The following FER variants were observed in gnomAD, a reference collection of about 807,000 sequenced individuals.
The protein encoded by FER is tyrosine-protein kinase Fer.
In FER, 63 loss-of-function variants were observed where a neutral mutation model predicts 111.0. That is an observed-to-expected ratio of 0.57 (90% CI 0.46 to 0.70). The LOEUF (loss-of-function observed/expected upper bound fraction) is 0.70. Among genes scored for constraint, FER ranks in the 30% least tolerant of loss-of-function variants. The pLI, the probability that FER is intolerant of heterozygous loss-of-function variation, is 0.00. For missense variants in FER, 914 were observed against 954.0 expected, an observed-to-expected ratio of 0.96 and a Z score of 0.55; for synonymous variants, 327 against 313.9, an observed-to-expected ratio of 1.04 and a Z score of -0.44.
intron 5 of FER, among the ~76,000 whole-genome samples, chr5:108,847,786 T>G (rs1287139056): frequency 2.0e-5 from 3 of 152,226 alleles, no homozygotes; most frequent in African/African-American, 7.2e-5. Flanking sequence ...AATAATATTG[T>G]TTGCTCTGTT....
intron 17 of FER, among the ~76,000 whole-genome samples, chr5:109,136,378 T>A (rs1752895163): frequency 6.6e-6 from 1 of 152,162 alleles, no homozygotes; most frequent in Non-Finnish European, 1.5e-5. Flanking sequence ...TTTTAAATAG[T>A]TAGAATACAT....
chr5:108,976,211 T>C (rs1402717993), intron 13 of FER, among the ~76,000 whole-genome samples: 1 of 152,174 alleles, frequency 6.6e-6, no homozygotes, highest in Non-Finnish European at 1.5e-5. Context: ...TGCTGCCTTA[T>C]TTATACAGGC....
chr5:108,930,820 C>T (rs943838014), intron 10 of FER, among the ~76,000 whole-genome samples: 1 of 151,134 alleles, frequency 6.6e-6, no homozygotes, highest in Non-Finnish European at 1.5e-5. Context: ...CACCATGTTG[C>T]CCAGACTGGG....
At chr5:108,893,294 C>T (rs562889284) in intron 9 of FER, among the ~76,000 whole-genome samples, 7 of 151,648 alleles carry the variant, frequency 4.6e-5, no homozygotes, top group African/African-American at 1.5e-4. Flanking sequence ...TTCTTCCTAC[C>T]CTTGTTTTTT....
chr5:108,817,970 T>C (rs552459770), intron 3 of FER: 6 of 152,332 alleles, frequency 3.9e-5, no homozygotes, highest in African/African-American at 1.2e-4. Flanking sequence ...TGAGATGCTA[T>C]TTAATGTATG....
chr5:108,976,821 C>T (rs935751701), intron 13 of FER, among the ~76,000 whole-genome samples: 3 of 152,124 alleles, frequency 2.0e-5, no homozygotes, highest in Non-Finnish European at 4.4e-5. Flanking sequence ...ACATGGTGGG[C>T]ATCTATAGCT....
At chr5:108,978,207 A>T (rs1761619176) in intron 13 of FER, among the ~76,000 whole-genome samples, 1 of 152,090 alleles carries the variant, frequency 6.6e-6, no homozygotes, top group Admixed American at 6.5e-5. Context: ...TAAAATAATG[A>T]CCGATTATGT....
At chr5:109,091,835 A>C (rs1746805127) in intron 16 of FER, among the ~76,000 whole-genome samples, 1 of 152,190 alleles carries the variant, frequency 6.6e-6, no homozygotes, top group Non-Finnish European at 1.5e-5. Flanking sequence ...CAATGTGATA[A>C]TATTAAGAGG....
At chr5:108,786,930 G>A (rs1754789227) in intron 2 of FER, among the ~76,000 whole-genome samples, 3 of 152,166 alleles carry the variant, frequency 2.0e-5, no homozygotes, top group Admixed American at 1.3e-4. Flanking sequence ...TAATGATGGT[G>A]GTGGCAGCCT....
chr5:109,028,057 A>AT (rs1241502217), intron 13 of FER, among the ~76,000 whole-genome samples: 1 of 152,136 alleles, frequency 6.6e-6, no homozygotes, highest in African/African-American at 2.4e-5. Context: ...AAAATGGAAT[A>AT]TTTGTCATTT....
chr5:108,966,159 T>C (rs1759784310), intron 13 of FER, among the ~76,000 whole-genome samples: 2 of 152,198 alleles, frequency 1.3e-5, no homozygotes, highest in Non-Finnish European at 2.9e-5. Context: ...ATTATGTTTT[T>C]AGTCAGAAGA....
At chr5:109,147,931 G>A (rs554979378) in intron 17 of FER, among the ~76,000 whole-genome samples, 58 of 151,582 alleles carry the variant, frequency 3.8e-4, no homozygotes, top group African/African-American at 9.7e-4. Context: ...AATCACTTTC[G>A]TAACTAGAGA....
intron 13 of FER, among the ~76,000 whole-genome samples, chr5:109,005,180 A>G (rs2149790509): frequency 6.6e-6 from 1 of 152,268 alleles, no homozygotes; most frequent in East Asian, 1.9e-4. Context: ...GGAGTGGGAA[A>G]GAAATCAGAC....
chr5:109,095,519 T>G (rs1747394549), intron 16 of FER, among the ~76,000 whole-genome samples: 2 of 152,214 alleles, frequency 1.3e-5, no homozygotes, highest in South Asian at 4.1e-4. Context: ...ACCCTATATG[T>G]AGCAGCCAGT....
chr5:108,952,538 T>G (rs1484488061), intron 11 of FER, among the ~76,000 whole-genome samples: 1 of 137,502 alleles, frequency 7.3e-6, no homozygotes, highest in East Asian at 2.2e-4. Context: ...TTCATAACAG[T>G]GTTGTATAGG....
intron 17 of FER, among the ~76,000 whole-genome samples, chr5:109,118,247 T>G (rs140699355): frequency 0.034 from 5,207 of 152,238 alleles, 146 homozygotes; most frequent in South Asian, 0.084. Context: ...GGCCTTTTCT[T>G]CATCTATTGA....
At chr5:108,984,271 T>A (rs755456791) in intron 13 of FER, among the ~76,000 whole-genome samples, 18 of 152,058 alleles carry the variant, frequency 1.2e-4, no homozygotes, top group Non-Finnish European at 1.9e-4. Context: ...TCTAGAGGAA[T>A]ATAGAAAAAG....
At chr5:108,919,363 G>T (rs1273833149) in intron 10 of FER, among the ~76,000 whole-genome samples, 2 of 151,640 alleles carry the variant, frequency 1.3e-5, no homozygotes, top group Non-Finnish European at 2.9e-5. Flanking sequence ...TTTAGCTATT[G>T]TATGAAACAT....
intron 9 of FER, among the ~76,000 whole-genome samples, chr5:108,893,030 T>G (rs1748401436): frequency 6.6e-6 from 1 of 152,214 alleles, no homozygotes; most frequent in African/African-American, 2.4e-5. Context: ...GGTCTACATC[T>G]CTGTTTTGGT....
Sources: allele counts gnomAD v4.1 joint callset (sites outside exome capture counted in the v4.1 genomes callset), GRCh38; gene constraint gnomAD v4.1.1; transcripts MANE v1.5; gene names NCBI Gene and HGNC (gene_info 2026-07-23, HGNC 2026-07-21).